The following CRTC3 variants were observed in gnomAD, a reference collection of about 807,000 sequenced individuals.
The protein encoded by CRTC3 is CREB regulated transcription coactivator 3.
A neutral mutation model predicts 74.5 loss-of-function variants in CRTC3; 26 were observed. That is an observed-to-expected ratio of 0.35 (90% CI 0.26 to 0.48). The LOEUF is 0.48. Ranked by LOEUF, CRTC3 falls within the 20% of genes least tolerant of loss-of-function variation. The probability of loss-of-function intolerance (pLI) is 0.99; values close to 1 mark genes in which losing one functional copy is unlikely to be tolerated. For missense variants in CRTC3, 760 were observed against 787.3 expected, an observed-to-expected ratio of 0.97 and a Z score of 0.41; for synonymous variants, 377 against 325.8, an observed-to-expected ratio of 1.16 and a Z score of -1.69.
chr15:90,575,552 T>G (rs757304424), intron 2 of CRTC3, among the ~76,000 whole-genome samples: 1 of 152,256 alleles, frequency 6.6e-6, no homozygotes, highest in Non-Finnish European at 1.5e-5. Context: ...GCTAGTTGTC[T>G]CAACACTATT....
At chr15:90,539,470 A>C (rs775124945) in intron 1 of CRTC3, 1 of 152,366 alleles carries the variant, frequency 6.6e-6, no homozygotes, top group Non-Finnish European at 1.5e-5. Flanking sequence ...GAGAGCCACC[A>C]AAAGGCCCAT....
At chr15:90,578,553 C>T (rs77661801) in intron 2 of CRTC3, among the ~76,000 whole-genome samples, 1 of 141,388 alleles carries the variant, frequency 7.1e-6, no homozygotes, top group Admixed American at 7.0e-5. Context: ...GACTCCATCT[C>T]AAAAAAAAAA....
chr15:90,561,000 C>T (rs979054093), intron 2 of CRTC3, among the ~76,000 whole-genome samples: 2 of 152,190 alleles, frequency 1.3e-5, no homozygotes, highest in African/African-American at 4.8e-5. Context: ...TGTTGATGGT[C>T]ACAAGTGCAG....
At chr15:90,617,787 C>G in intron 7 of CRTC3, 96 bp from the exon 8 acceptor site, 2 of 778,476 alleles carry the variant, frequency 2.6e-6, no homozygotes, top group Non-Finnish European at 4.5e-6. Context: ...TGCCTCAGCC[C>G]CATAAAGTGC....
At chr15:90,619,183 C>G (rs1968571983) in intron 8 of CRTC3, among the ~76,000 whole-genome samples, 1 of 152,082 alleles carries the variant, frequency 6.6e-6, no homozygotes, top group Non-Finnish European at 1.5e-5. Context: ...TCGTCCAGAC[C>G]CAGTGGCTCA....
At chr15:90,542,638 T>C (rs757793668) in intron 2 of CRTC3, among the ~76,000 whole-genome samples, 1 of 152,236 alleles carries the variant, frequency 6.6e-6, no homozygotes. Context: ...TATTACAATC[T>C]GATCTTCAGA....
intron 2 of CRTC3, among the ~76,000 whole-genome samples, chr15:90,546,709 G>A (rs1966844847): frequency 6.6e-6 from 1 of 152,122 alleles, no homozygotes; most frequent in Non-Finnish European, 1.5e-5. Context: ...TGCAAGCTCT[G>A]CCCCCTGGGT....
At chr15:90,592,503 C>A (rs1052156189) in intron 2 of CRTC3, among the ~76,000 whole-genome samples, 2 of 152,180 alleles carry the variant, frequency 1.3e-5, no homozygotes, top group Admixed American at 1.3e-4. Flanking sequence ...TGGCTTTTGA[C>A]AACCAAAAAG....
At chr15:90,604,345 A>C in intron 4 of CRTC3, 40 bp from the exon 5 acceptor site, 1 of 1,547,992 alleles carries the variant, frequency 6.5e-7, no homozygotes, top group South Asian at 1.1e-5. Flanking sequence ...CTGTCTGTGG[A>C]TTGACTTCTT....
Position 90,642,889 on chromosome 15 carries a change from C to G in CRTC3, c.*749C>G, listed in dbSNP as rs1468785978. The G allele has an allele frequency of 4.3e-6, 1 of 232,888 alleles. No homozygotes were observed. The highest frequency in any genetic ancestry group is 8.5e-6 in the Non-Finnish European group (1 of 117,850). The allele number at this position is 232,888 out of a possible 1,614,324, so 14.4% of individuals were successfully genotyped here. On this transcript the variant is annotated 3_prime_UTR_variant, in exon 15 of 15. Transcript: ENST00000268184. The stretch of plus-strand genomic sequence containing the variant: ...GCCTGAAGAGAACTGTGCTCCTCCT[C>G]GGGGGCTGGGGAAGGAAGACAGGGA...
At chr15:90,593,498 C>T in intron 2 of CRTC3, 138 bp from the exon 3 acceptor site, 2 of 865,184 alleles carry the variant, frequency 2.3e-6, no homozygotes, top group East Asian at 2.5e-5. Flanking sequence ...CTTTATTTAC[C>T]TTGACCCAAG....
rs1966776550 is a variant in CRTC3 at position 90,539,940 on chromosome 15, T to G, written c.133-99T>G. The G allele has an allele frequency of 1.1e-5, 9 of 833,880 alleles. No individual in the cohort carries two copies. In the East Asian group the frequency reaches 2.2e-4, roughly 21 times the overall value. 51.7% of individuals were successfully genotyped at this position (833,880 alleles called of 1,614,324 possible). Reference sequence around the variant, plus strand: ...CGTCGAGAAGAAATTGAAACAAGACTTTCATTCTTGAACCGTTCCCCTACA... The same window carrying G: ...CGTCGAGAAGAAATTGAAACAAGACGTTCATTCTTGAACCGTTCCCCTACA... On this transcript the variant is annotated intron_variant, in intron 1 of 14. Coordinates refer to ENST00000268184, the MANE Select transcript of CRTC3 (RefSeq NM_022769.5).
intron 9 of CRTC3, among the ~76,000 whole-genome samples, chr15:90,622,176 A>T (rs1968673590): frequency 6.6e-6 from 1 of 152,194 alleles, no homozygotes; most frequent in South Asian, 2.1e-4. Flanking sequence ...GATCTGACGC[A>T]GAGAAGATGG....
chr15:90,537,977 GTTGAGGGC>G (rs1778830988), intron 1 of CRTC3, among the ~76,000 whole-genome samples: 1 of 152,230 alleles, frequency 6.6e-6, no homozygotes, highest in African/African-American at 2.4e-5. Flanking sequence ...CTTCAGCTCA[GTTGAGGGC>G]AGGTCCCTAT....
At position 90,541,782 on chromosome 15, in the gene CRTC3, C is replaced by CTTTTTTTTTTTTTT. The variant is rs11426969; in HGVS notation, c.231+1652_231+1653insTTTTTTTTTTTTTT. 6.7e-5 allele frequency among the ~76,000 whole-genome samples: 8 copies of CTTTTTTTTTTTTTT among 120,100 alleles called. 3 individuals carry two copies. Among genetic ancestry groups the CTTTTTTTTTTTTTT allele is most frequent in the Non-Finnish European group, 1.0e-4 (6 of 59,358 alleles). 78.8% of individuals were successfully genotyped at this position (120,100 alleles called of 152,430 possible). ...GATAATCCTTGGCCTTCCCAGGATTCTTTTTTTCTTTTTTTTTTTTTGAGA... is the reference window on the plus strand; with the variant it reads ...GATAATCCTTGGCCTTCCCAGGATTCTTTTTTTTTTTTTTTTTTTTTCTTTTTTTTTTTTTGAGA... On this transcript the variant is annotated intron_variant, in intron 2 of 14. Coordinates refer to ENST00000268184, the MANE Select transcript of CRTC3 (RefSeq NM_022769.5).
rs530934084 is a variant in CRTC3 at position 90,628,224 on chromosome 15, A to T, written c.968-1010A>T. On this transcript the variant is annotated intron_variant, in intron 10 of 14. Transcript: ENST00000268184. ...AGAGCGAGACTCTGTCTCAAAAAAA[A>T]TAATAATAATAATAGTGATAATAAT... Among the ~76,000 whole-genome samples the T allele has an allele frequency of 2.0e-5, 3 of 150,964 alleles. No individual in the cohort carries two copies. The South Asian group carries it at 6.3e-4, about 31-fold the overall frequency.
chr15:90,629,286 T>C lies in CRTC3; in HGVS notation c.1020T>C (p.Thr340=), dbSNP rs1968949838. 6 of 1,614,090 alleles carry C rather than the reference T, an allele frequency of 3.7e-6. No homozygotes were observed. Among genetic ancestry groups the C allele is most frequent in the Non-Finnish European group, 4.2e-6 (5 of 1,180,038 alleles). ...NPSIQATLNK[T]VLSSSLNNHP... ...CCATCCAAGCCACGCTCAATAAGAC[T>C]GTGCTTTCCTCTTCCTTAAATAACC... The change falls in exon 11 of 15, where the codon ACT becomes ACC. Residue 340 remains threonine (T), a synonymous_variant. Coordinates refer to ENST00000268184, the MANE Select transcript of CRTC3 (RefSeq NM_022769.5).
chr15:90,569,394 C>T (rs1392968388), intron 2 of CRTC3, among the ~76,000 whole-genome samples: 2 of 148,108 alleles, frequency 1.4e-5, no homozygotes. Context: ...ATCTTGACTC[C>T]CTGCAGCCTC....
chr15:90,532,869 G>A (rs1197484324), intron 1 of CRTC3, among the ~76,000 whole-genome samples: 1 of 151,566 alleles, frequency 6.6e-6, no homozygotes, highest in East Asian at 1.9e-4. Context: ...GGCAGATCAC[G>A]AGGTCAAGAG....
Sources: allele counts gnomAD v4.1 joint callset (sites outside exome capture counted in the v4.1 genomes callset), GRCh38; gene constraint gnomAD v4.1.1; transcripts MANE v1.5; gene names NCBI Gene and HGNC (gene_info 2026-07-23, HGNC 2026-07-21).